RAP2A: variants seen among roughly 807,000 people sequenced by gnomAD.
The protein encoded by RAP2A is RAP2A, member of RAS oncogene family.
In RAP2A, 5 loss-of-function variants were observed where a neutral mutation model predicts 15.1. The ratio of observed to expected loss-of-function variants is 0.33; its 90% confidence interval spans 0.17 to 0.70. RAP2A has a LOEUF of 0.70. Among genes scored for constraint, RAP2A ranks in the 30% least tolerant of loss-of-function variants. The pLI is 0.68. For synonymous variants in RAP2A, 110 were observed against 99.7 expected (o/e 1.10, Z -0.62); for missense variants, 111 against 240.3 (o/e 0.46, Z 3.56).
chr13:97,439,049 C>T (rs2066645979), intron 1 of RAP2A, among the ~76,000 whole-genome samples: 1 of 152,076 alleles, frequency 6.6e-6, no homozygotes, highest in Admixed American at 6.6e-5. Context: ...CTCAAAGAAT[C>T]AGAAACATGA....
chr13:97,453,991 A>G (rs2066712738), intron 1 of RAP2A, among the ~76,000 whole-genome samples: 1 of 150,860 alleles, frequency 6.6e-6, no homozygotes. Context: ...TTCTAATTGG[A>G]TAGTTTGTTT....
At chr13:97,448,147 T>A (rs2066687315) in intron 1 of RAP2A, among the ~76,000 whole-genome samples, 3 of 152,194 alleles carry the variant, frequency 2.0e-5, no homozygotes, top group African/African-American at 7.2e-5. Context: ...GGGAAAGGTA[T>A]CTATCCTGTT....
chr13:97,434,308 T>TGCC lies in RAP2A; in HGVS notation c.-149_-147dup, dbSNP rs1162266985. On this transcript the variant is annotated 5_prime_UTR_variant, in exon 1 of 2. Coordinates refer to ENST00000245304, the MANE Select transcript of RAP2A (RefSeq NM_021033.7). Reference sequence around the variant, plus strand: ...TGCCCAGGGCCGCTGCTCCCTCAGTTGCCGCCGCCGCCGCCGGCGCCCAGG... The same window carrying TGCC: ...TGCCCAGGGCCGCTGCTCCCTCAGTTGCCGCCGCCGCCGCCGCCGGCGCCCAGG... The TGCC allele has an allele frequency of 1.1e-4, 34 of 298,504 alleles. 1 individual carries two copies. The highest frequency in any genetic ancestry group is 1.7e-4 in the African/African-American group (7 of 40,902). The allele number at this position is 298,504 out of a possible 1,614,324, so 18.5% of individuals were successfully genotyped here.
At chr13:97,440,296 A>G (rs929570420) in intron 1 of RAP2A, among the ~76,000 whole-genome samples, 3 of 152,086 alleles carry the variant, frequency 2.0e-5, no homozygotes, top group African/African-American at 7.2e-5. Context: ...AATAATAAAT[A>G]TATATAACAT....
rs760177146 is a variant in RAP2A at position 97,464,271 on chromosome 13, G to A, written c.381G>A (p.Ser127=). The change falls in exon 2 of 2, where the codon TCG becomes TCA. Residue 127 remains serine (S), a synonymous_variant. Coordinates refer to ENST00000245304, the MANE Select transcript of RAP2A (RefSeq NM_021033.7). ...ACCTGGAAAGTGAGAGAGAAGTATCGTCCAGCGAAGGCAGAGCCCTTGCTG... is the reference window on the plus strand; with the variant it reads ...ACCTGGAAAGTGAGAGAGAAGTATCATCCAGCGAAGGCAGAGCCCTTGCTG... The part of the protein sequence containing the change: ...KVDLESEREV[S]SSEGRALAEE... 11 of 1,614,088 alleles carry A rather than the reference G, an allele frequency of 6.8e-6. No homozygotes were observed. Among genetic ancestry groups the A allele is most frequent in the East Asian group, 2.2e-5 (1 of 44,896 alleles).
chr13:97,442,445 A>G (rs1000201646), intron 1 of RAP2A, among the ~76,000 whole-genome samples: 1 of 152,096 alleles, frequency 6.6e-6, no homozygotes, highest in Non-Finnish European at 1.5e-5. Context: ...ATTAATAACT[A>G]TCTCTATTTT....
At chr13:97,435,505 C>T (rs2066630281) in intron 1 of RAP2A, among the ~76,000 whole-genome samples, 1 of 149,210 alleles carries the variant, frequency 6.7e-6, no homozygotes, top group South Asian at 2.1e-4. Flanking sequence ...ACACCACCAC[C>T]ACCAGTTCCT....
chr13:97,454,498 G>A (rs1017825463), intron 1 of RAP2A, among the ~76,000 whole-genome samples: 4 of 150,740 alleles, frequency 2.7e-5, no homozygotes, highest in Admixed American at 2.0e-4. Flanking sequence ...ATACCTAACC[G>A]TTCACAGTCT....
intron 1 of RAP2A, among the ~76,000 whole-genome samples, chr13:97,446,975 G>A (rs946966496): frequency 6.6e-6 from 1 of 152,138 alleles, no homozygotes; most frequent in African/African-American, 2.4e-5. Context: ...TGCAGCAGTA[G>A]TTATCTGGAA....
rs374853396 is a variant in RAP2A at position 97,443,686 on chromosome 13, CT to C, written c.314+8903del. ...GGATTACAGGCCTGAGCCACTGCCCCTGGTCCTAAATTAATTCATCTTTAGG... is the reference window on the plus strand; with the variant it reads ...GGATTACAGGCCTGAGCCACTGCCCCGGTCCTAAATTAATTCATCTTTAGG... On this transcript the variant is annotated intron_variant, in intron 1 of 1. Coordinates refer to ENST00000245304, the MANE Select transcript of RAP2A (RefSeq NM_021033.7). Among the ~76,000 whole-genome samples, 40 of 152,324 alleles carry C rather than the reference CT, an allele frequency of 2.6e-4. No homozygotes were observed. In the East Asian group the frequency reaches 5.6e-3, roughly 21 times the overall value.
chr13:97,452,634 T>TCA (rs962337332), intron 1 of RAP2A, among the ~76,000 whole-genome samples: 40 of 113,886 alleles, frequency 3.5e-4, no homozygotes, highest in East Asian at 1.3e-3. Context: ...CAAGAATCAG[T>TCA]CACACACACA....
intron 1 of RAP2A, among the ~76,000 whole-genome samples, chr13:97,463,252 T>C (rs1163888777): frequency 6.6e-6 from 1 of 152,220 alleles, no homozygotes; most frequent in Admixed American, 6.5e-5. Flanking sequence ...GCACCAGTGT[T>C]GACATCTGTT....
intron 1 of RAP2A, among the ~76,000 whole-genome samples, chr13:97,443,222 C>T (rs2066665261): frequency 6.6e-6 from 1 of 152,166 alleles, no homozygotes; most frequent in African/African-American, 2.4e-5. Flanking sequence ...TAAAGTTACC[C>T]AAGAGAAACA....
At chr13:97,455,617 T>C (rs909916353) in intron 1 of RAP2A, among the ~76,000 whole-genome samples, 6 of 151,522 alleles carry the variant, frequency 4.0e-5, no homozygotes, top group African/African-American at 1.5e-4. Context: ...TTCAAAGCCT[T>C]TACTATGCTG....
At chr13:97,443,821 A>T (rs1038554524) in intron 1 of RAP2A, among the ~76,000 whole-genome samples, 1 of 152,244 alleles carries the variant, frequency 6.6e-6, no homozygotes. Flanking sequence ...TAATCTCATT[A>T]AAGCTGAGAT....
In RAP2A at chr13:97,468,517, T is replaced by A. The variant is rs2066782341; in HGVS notation, c.*4075T>A. 1 of 152,220 alleles carries A rather than the reference T, an allele frequency of 6.6e-6. No individual in the cohort carries two copies. Among genetic ancestry groups the A allele is most frequent in the African/African-American group, 2.4e-5 (1 of 41,466 alleles). 9.4% of individuals were successfully genotyped at this position (152,220 alleles called of 1,614,324 possible). On this transcript the variant is annotated 3_prime_UTR_variant, in exon 2 of 2. Transcript: ENST00000245304. ...TTCAGCTGCTCTGATAAGGAGCCCATTCATTTCCTAAGCCAATTTAAACTA... is the reference window on the plus strand; with the variant it reads ...TTCAGCTGCTCTGATAAGGAGCCCAATCATTTCCTAAGCCAATTTAAACTA...
At chr13:97,455,385 G>A (rs2066718735) in intron 1 of RAP2A, among the ~76,000 whole-genome samples, 1 of 151,454 alleles carries the variant, frequency 6.6e-6, no homozygotes, top group Non-Finnish European at 1.5e-5. Flanking sequence ...TCTATTGATA[G>A]TTTTTACCCT....
At chr13:97,444,845 C>T (rs1027210711) in intron 1 of RAP2A, among the ~76,000 whole-genome samples, 14 of 152,104 alleles carry the variant, frequency 9.2e-5, no homozygotes, top group African/African-American at 1.7e-4. Flanking sequence ...TATATATAAT[C>T]GCCTTTTTGT....
intron 1 of RAP2A, among the ~76,000 whole-genome samples, chr13:97,444,041 C>T (rs975501054): frequency 8.5e-5 from 13 of 152,146 alleles, no homozygotes; most frequent in Admixed American, 7.9e-4. Flanking sequence ...TATACTGCCA[C>T]GTGACTTCTT....
Sources: allele counts gnomAD v4.1 joint callset (sites outside exome capture counted in the v4.1 genomes callset), GRCh38; gene constraint gnomAD v4.1.1; transcripts MANE v1.5; gene names NCBI Gene and HGNC (gene_info 2026-07-23, HGNC 2026-07-21).